Variants in LRRTM3 observed in about 807,000 individuals in gnomAD.
LRRTM3 encodes the protein leucine rich repeat transmembrane neuronal 3.
In LRRTM3, 24 loss-of-function variants were observed where a neutral mutation model predicts 44.7. The observed-to-expected ratio is 0.54, with a 90% CI of 0.39 to 0.76. The LOEUF is 0.76. Ranked by LOEUF, LRRTM3 falls within the 30% of genes least tolerant of loss-of-function variation. The probability of loss-of-function intolerance (pLI) is 0.00; values close to 1 mark genes in which losing one functional copy is unlikely to be tolerated. For synonymous variants in LRRTM3, 277 were observed against 278.7 expected (o/e 0.99, Z 0.06); for missense variants, 587 against 702.2 (o/e 0.84, Z 1.85).
chr10:66,933,758 G>C (rs1485299408), intron 2 of LRRTM3, among the ~76,000 whole-genome samples: 2 of 152,114 alleles, frequency 1.3e-5, no homozygotes, highest in African/African-American at 4.8e-5. Context: ...CCTTTTATAT[G>C]TCATTGCTTA....
intron 1 of LRRTM3, 149 bp from the exon 2 acceptor site, chr10:66,926,772 T>G: frequency 1.0e-6 from 1 of 952,608 alleles, no homozygotes; most frequent in South Asian, 1.8e-5. Context: ...CTAAAGACAA[T>G]TCTCTTTAAT....
intron 2 of LRRTM3, among the ~76,000 whole-genome samples, chr10:67,066,014 T>C (rs1015210336): frequency 1.3e-5 from 2 of 152,046 alleles, no homozygotes; most frequent in African/African-American, 4.8e-5. Flanking sequence ...TTATTAGAAA[T>C]AATAATTGCT....
Position 66,926,106 on chromosome 10 carries a change from C to A in LRRTM3, c.-478C>A, listed in dbSNP as rs1160412591. ...GAGCGTGTGCGCGGTACGGGGCTCT[C>A]CTGCCTTCTGGGCTCCAACGCAGCT... On this transcript the variant is annotated 5_prime_UTR_variant, in exon 1 of 3. Coordinates refer to ENST00000361320, the MANE Select transcript of LRRTM3 (RefSeq NM_178011.5). 4.4e-6 allele frequency: 2 copies of A among 458,404 alleles called. No individual in the cohort carries two copies. Among genetic ancestry groups the A allele is most frequent in the African/African-American group, 4.0e-5 (2 of 50,166 alleles). 28.4% of individuals were successfully genotyped at this position (458,404 alleles called of 1,614,324 possible).
chr10:67,002,806 T>C lies in LRRTM3; in HGVS notation c.1536+74354T>C, dbSNP rs569927093. On this transcript the variant is annotated intron_variant, in intron 2 of 2. Transcript: ENST00000361320. ...GGGTTAAATAAACACAATTAGGTTT[T>C]ATTTAGCATGTATTTGATTATGAAT... is the stretch of plus-strand genomic sequence containing the variant. Among the ~76,000 whole-genome samples, 45 of 152,292 alleles carry C rather than the reference T, an allele frequency of 3.0e-4. No homozygotes were observed. In the South Asian group the frequency reaches 7.7e-3, roughly 26 times the overall value.
chr10:67,030,679 C>T (rs1422447540), intron 2 of LRRTM3, among the ~76,000 whole-genome samples: 1 of 151,874 alleles, frequency 6.6e-6, no homozygotes, highest in East Asian at 1.9e-4. Flanking sequence ...GATAATGAAG[C>T]TGAGGTAGAA....
intron 2 of LRRTM3, chr10:67,052,755 CAAACAAACAAAG>C (rs1855189969): frequency 6.6e-6 from 1 of 151,998 alleles, no homozygotes; most frequent in African/African-American, 2.4e-5. Context: ...ACTACAAAAA[CAAACAAACAAAG>C]AAACAAACAA....
chr10:66,967,210 C>A (rs1051293414), intron 2 of LRRTM3, among the ~76,000 whole-genome samples: 7 of 151,794 alleles, frequency 4.6e-5, no homozygotes, highest in African/African-American at 1.7e-4. Flanking sequence ...CATACATTAG[C>A]CTTGACATAA....
Position 66,945,710 on chromosome 10 carries a change from T to C in LRRTM3, c.1536+17258T>C, listed in dbSNP as rs551636236. On this transcript the variant is annotated intron_variant, in intron 2 of 2. Transcript: ENST00000361320. ...AACATGCCTTCCTCATTAAGCTTTA[T>C]CATTTTTATCTTTTGATTTCAAGTG... Among the ~76,000 whole-genome samples the C allele has an allele frequency of 7.2e-5, 11 of 152,322 alleles. No homozygotes were observed. In the South Asian group the frequency reaches 2.1e-3, roughly 29 times the overall value.
In LRRTM3 at chr10:66,928,125, G is replaced by A; in HGVS notation, c.1209G>A (p.Glu403=). The part of the protein sequence containing the change: ...PPLPPTVGAT[E]PGPETDADAE... ...TGCCCCCGACGGTGGGAGCCACAGAGCCCGGCCCAGAGACCGATGCTGACG... is the reference window on the plus strand; with the variant it reads ...TGCCCCCGACGGTGGGAGCCACAGAACCCGGCCCAGAGACCGATGCTGACG... Residue 403 remains glutamate, a synonymous_variant, in exon 2 of 3, where the codon GAG becomes GAA. Transcript: ENST00000361320. The A allele has an allele frequency of 1.2e-6, 2 of 1,613,944 alleles. No homozygotes were observed. Among genetic ancestry groups the A allele is most frequent in the African/African-American group, 1.3e-5 (1 of 74,994 alleles).
Position 67,018,164 on chromosome 10 carries a change from TTGGTAG to T in LRRTM3, c.1537-79420_1537-79415del, listed in dbSNP as rs548206558. 1.1e-4 allele frequency among the ~76,000 whole-genome samples: 16 copies of T among 152,304 alleles called. No individual in the cohort carries two copies. In the East Asian group the frequency reaches 3.1e-3, roughly 29 times the overall value. ...TACAGTAGGGCCAAGACTTTGTATT[TTGGTAG>T]TGATTCACTCACTATAAATATGTAC... On this transcript the variant is annotated intron_variant, in intron 2 of 2. Transcript: ENST00000361320.
intron 2 of LRRTM3, among the ~76,000 whole-genome samples, chr10:67,038,737 T>G (rs1854216425): frequency 6.6e-6 from 1 of 152,084 alleles, no homozygotes; most frequent in Non-Finnish European, 1.5e-5. Flanking sequence ...ATTAGTCAGG[T>G]CATTGGCAGA....
At chr10:66,955,699 C>A (rs1282132616) in intron 2 of LRRTM3, among the ~76,000 whole-genome samples, 1 of 152,122 alleles carries the variant, frequency 6.6e-6, no homozygotes, top group Non-Finnish European at 1.5e-5. Context: ...TCTAGACTGT[C>A]ACAAACTGGA....
At chr10:67,041,138 G>A (rs1229637095) in intron 2 of LRRTM3, among the ~76,000 whole-genome samples, 1 of 152,082 alleles carries the variant, frequency 6.6e-6, no homozygotes, top group African/African-American at 2.4e-5. Context: ...CTGAGAACTA[G>A]GGAATTCAGC....
At chr10:66,963,469 A>G (rs1326186526) in intron 2 of LRRTM3, among the ~76,000 whole-genome samples, 1 of 152,174 alleles carries the variant, frequency 6.6e-6, no homozygotes, top group Non-Finnish European at 1.5e-5. Context: ...CTTGACAACG[A>G]TTACTTTCCA....
chr10:66,954,101 T>G (rs1391895459), intron 2 of LRRTM3, among the ~76,000 whole-genome samples: 2 of 152,186 alleles, frequency 1.3e-5, no homozygotes, highest in Non-Finnish European at 2.9e-5. Flanking sequence ...AAATAAAATT[T>G]ATGCCTCTAC....
Position 66,928,061 on chromosome 10 carries a change from C to A in LRRTM3, c.1145C>A (p.Pro382His). 1 of 1,614,074 alleles carries A rather than the reference C, an allele frequency of 6.2e-7. No individual in the cohort carries two copies. The highest frequency in any genetic ancestry group is 2.2e-5 in the East Asian group (1 of 44,878). The change falls in exon 2 of 3, where the codon CCC becomes CAC. Residue 382 changes from proline to histidine, a missense_variant. This residue lies in a region of LRRTM3 where 315 missense variants were observed against 335.6 expected (regional missense o/e 0.94). Transcript: ENST00000361320. ...ARALPKPTFK[P>H]KLPRPKHESK... ...GCTCTCCCAAAGCCGACGTTTAAGC[C>A]CAAGCTCCCCAGGCCGAAGCATGAG...
At position 66,999,419 on chromosome 10, in the gene LRRTM3, A is replaced by C. The variant is rs1851553461; in HGVS notation, c.1536+70967A>C. On this transcript the variant is annotated intron_variant, in intron 2 of 2. Coordinates refer to ENST00000361320, the MANE Select transcript of LRRTM3 (RefSeq NM_178011.5). ...AAGGATAGGTAAGCATCTAATAATT[A>C]AATTAAGATCATCAATTTGTATTAC... Among the ~76,000 whole-genome samples the C allele has an allele frequency of 1.3e-5, 2 of 152,180 alleles. 1 individual carries two copies. Among genetic ancestry groups the C allele is most frequent in the South Asian group, 4.1e-4 (2 of 4,832 alleles).
At chr10:67,073,315 T>C (rs1460213172) in intron 2 of LRRTM3, among the ~76,000 whole-genome samples, 1 of 152,220 alleles carries the variant, frequency 6.6e-6, no homozygotes, top group African/African-American at 2.4e-5. Context: ...ATATTTTCCA[T>C]TAATTGGCTA....
At chr10:67,075,162 G>C (rs1341632519) in intron 2 of LRRTM3, among the ~76,000 whole-genome samples, 1 of 88,932 alleles carries the variant, frequency 1.1e-5, no homozygotes, top group Non-Finnish European at 2.3e-5. Context: ...TTGCTTCTAA[G>C]GATTTCTGCA....
Sources: gnomAD v4.1 joint callset for allele counts (sites outside exome capture counted in the v4.1 genomes callset) on GRCh38, gnomAD v4.1.1 for gene constraint, gnomAD v4.1.1 regional missense constraint, MANE v1.5 for transcripts, NCBI Gene and HGNC (gene_info 2026-07-23, HGNC 2026-07-21) for gene names.